GDPD5: variants seen among roughly 807,000 people sequenced by gnomAD.
The protein encoded by GDPD5 is glycerophosphodiester phosphodiesterase 2.
In GDPD5, 48 loss-of-function variants were observed where a neutral mutation model predicts 75.1. That is an observed-to-expected ratio of 0.64 (90% CI 0.51 to 0.81). The LOEUF (loss-of-function observed/expected upper bound fraction) is 0.81, where lower values mean the gene tolerates loss of function less well. GDPD5 is among the 40% of genes least tolerant of loss of function. GDPD5 has a pLI of 0.00. For missense variants in GDPD5, 706 were observed against 822.6 expected, an observed-to-expected ratio of 0.86 and a Z score of 1.73; for synonymous variants, 336 against 339.0, an observed-to-expected ratio of 0.99 and a Z score of 0.10.
intron 1 of GDPD5, among the ~76,000 whole-genome samples, chr11:75,503,438 G>A (rs1950332746): frequency 6.6e-6 from 1 of 152,216 alleles, no homozygotes; most frequent in Non-Finnish European, 1.5e-5. Flanking sequence ...AGGATCTGAG[G>A]CAGAGAGGCT....
chr11:75,457,479 T>C (rs1195454281), intron 5 of GDPD5, among the ~76,000 whole-genome samples: 1 of 152,276 alleles, frequency 6.6e-6, no homozygotes, highest in Non-Finnish European at 1.5e-5. Context: ...TTCTGATTAG[T>C]CGCTATTATA....
chr11:75,471,924 A>G (rs1310225566), intron 3 of GDPD5, among the ~76,000 whole-genome samples: 1 of 152,080 alleles, frequency 6.6e-6, no homozygotes, highest in Non-Finnish European at 1.5e-5. Context: ...CTAGTTTCTT[A>G]TCCTTATAGG....
In GDPD5 at chr11:75,455,476, G is replaced by A. The variant is rs565894815; in HGVS notation, c.375+1281C>T. The A allele has an allele frequency of 3.3e-3, 1,389 of 416,724 alleles. 31 individuals are homozygous for A. The highest frequency in any genetic ancestry group is 0.023 in the South Asian group (1,356 of 58,996). The allele number at this position is 416,724 out of a possible 1,614,324, so 25.8% of individuals were successfully genotyped here. A position where few individuals can be genotyped will look rare whatever the true frequency, so the allele number is the denominator to read the frequency against. On this transcript the variant is annotated intron_variant, in intron 6 of 16. Transcript: ENST00000336898. ...AAGCTCCAGGCCCATGTAACAAACC[G>A]GCCTCGGTGCCTCCCTGGATGCTCA...
At chr11:75,495,463 T>C (rs1950192270) in intron 1 of GDPD5, among the ~76,000 whole-genome samples, 1 of 151,816 alleles carries the variant, frequency 6.6e-6, no homozygotes, top group Non-Finnish European at 1.5e-5. Flanking sequence ...TCAGACTCTG[T>C]CTCAAAAAAA....
At chr11:75,522,222 C>T (rs529485059) in intron 1 of GDPD5, among the ~76,000 whole-genome samples, 1 of 152,336 alleles carries the variant, frequency 6.6e-6, no homozygotes, top group South Asian at 2.1e-4. Context: ...TGATCCTTAA[C>T]AGCCTTGAGA....
intron 1 of GDPD5, among the ~76,000 whole-genome samples, chr11:75,503,572 TG>T (rs1166841049): frequency 6.6e-6 from 1 of 152,188 alleles, no homozygotes; most frequent in African/African-American, 2.4e-5. Context: ...AAGGTCTGAT[TG>T]GTCTCCCAGC....
At chr11:75,524,408 C>T (rs973601862) in intron 1 of GDPD5, among the ~76,000 whole-genome samples, 2 of 152,210 alleles carry the variant, frequency 1.3e-5, no homozygotes, top group Non-Finnish European at 2.9e-5. Flanking sequence ...TTGAAGGATG[C>T]TCAGGAAGGT....
intron 3 of GDPD5, among the ~76,000 whole-genome samples, chr11:75,475,924 C>T (rs1443960907): frequency 6.6e-6 from 1 of 152,344 alleles, no homozygotes; most frequent in South Asian, 2.1e-4. Context: ...ACTTCCTCCA[C>T]TCTGGGCCCT....
chr11:75,505,120 T>G (rs1464886242), intron 1 of GDPD5, among the ~76,000 whole-genome samples: 4 of 147,112 alleles, frequency 2.7e-5, no homozygotes, highest in African/African-American at 7.6e-5. Flanking sequence ...AGACTCCATC[T>G]CAGAAAAAAA....
At chr11:75,461,759 C>T (rs1017260173) in intron 4 of GDPD5, among the ~76,000 whole-genome samples, 2 of 152,214 alleles carry the variant, frequency 1.3e-5, no homozygotes, top group Non-Finnish European at 1.5e-5. Flanking sequence ...CATCGCCATG[C>T]TGACCTGAAC....
chr11:75,465,102 G>A (rs1183448840), intron 3 of GDPD5, among the ~76,000 whole-genome samples: 1 of 152,128 alleles, frequency 6.6e-6, no homozygotes, highest in Non-Finnish European at 1.5e-5. Flanking sequence ...CCCAAAGGGT[G>A]AACCATGTCT....
chr11:75,519,268 G>C (rs950076212), intron 1 of GDPD5, among the ~76,000 whole-genome samples: 2 of 152,142 alleles, frequency 1.3e-5, no homozygotes, highest in Non-Finnish European at 2.9e-5. Flanking sequence ...ATCTCACAGA[G>C]GTCCAAAGTC....
intron 6 of GDPD5, chr11:75,455,165 A>C (rs147636447): frequency 3.8e-4 from 146 of 388,788 alleles, no homozygotes; most frequent in African/African-American, 2.9e-3. Context: ...CAGCGGCTCT[A>C]TAGGCCTCTC....
intron 3 of GDPD5, among the ~76,000 whole-genome samples, chr11:75,469,113 A>C (rs1949597633): frequency 6.6e-6 from 1 of 152,234 alleles, no homozygotes; most frequent in African/African-American, 2.4e-5. Flanking sequence ...GAGGACAGCC[A>C]GGTTGATTGC....
At position 75,441,158 on chromosome 11, in the gene GDPD5, C is replaced by T; in HGVS notation, c.1473+5G>A. 6.2e-7 allele frequency: 1 copy of T among 1,613,422 alleles called. No individual in the cohort carries two copies. Among genetic ancestry groups the T allele is most frequent in the South Asian group, 1.1e-5 (1 of 91,070 alleles). On this transcript the variant is annotated splice_donor_5th_base_variant and intron_variant, in intron 14 of 16. Coordinates refer to ENST00000336898, the MANE Select transcript of GDPD5 (RefSeq NM_030792.8). ...CCCCCAGGGGCCCTCTGCCCCCCAA[C>T]TCACCATGATCCAGAGGGGGGAAGG...
intron 9 of GDPD5, among the ~76,000 whole-genome samples, chr11:75,445,011 C>T (rs557819124): frequency 1.3e-5 from 2 of 152,210 alleles, no homozygotes; most frequent in East Asian, 1.9e-4. Context: ...CAGTGCGGGA[C>T]CAGTTTCCTC....
chr11:75,524,382 G>C (rs1396885077), intron 1 of GDPD5, among the ~76,000 whole-genome samples: 2 of 152,248 alleles, frequency 1.3e-5, no homozygotes, highest in African/African-American at 4.8e-5. Context: ...CCTAACTGGG[G>C]AGGAGTGTGC....
At chr11:75,470,551 A>C (rs1949638596) in intron 3 of GDPD5, among the ~76,000 whole-genome samples, 1 of 152,196 alleles carries the variant, frequency 6.6e-6, no homozygotes, top group Admixed American at 6.5e-5. Flanking sequence ...ATCTATATAT[A>C]GTTCCATATG....
At chr11:75,452,848 TG>T (rs1455923067) in intron 6 of GDPD5, 10 of 152,276 alleles carry the variant, frequency 6.6e-5, no homozygotes, top group African/African-American at 1.7e-4. Flanking sequence ...TGCTCCTCTC[TG>T]GGGCTCAGGT....
Sources: gnomAD v4.1 joint callset for allele counts (sites outside exome capture counted in the v4.1 genomes callset) on GRCh38, gnomAD v4.1.1 for gene constraint, MANE v1.5 for transcripts, NCBI Gene and HGNC (gene_info 2026-07-23, HGNC 2026-07-21) for gene names.